The following SNCAIP variants were observed in gnomAD, a reference collection of about 807,000 sequenced individuals.
SNCAIP encodes synuclein alpha interacting protein.
SNCAIP carries 43 observed loss-of-function variants against 86.7 expected under a neutral mutation model. That is an observed-to-expected ratio of 0.50 (90% CI 0.39 to 0.64). The LOEUF is 0.64. SNCAIP is among the 30% of genes least tolerant of loss of function. SNCAIP has a pLI of 0.00. For missense variants in SNCAIP, 981 were observed against 1,103.1 expected, an observed-to-expected ratio of 0.89 and a Z score of 1.57; for synonymous variants, 417 against 427.2, an observed-to-expected ratio of 0.98 and a Z score of 0.29.
At chr5:122,407,050 G>C (rs73794602) in intron 3 of SNCAIP, among the ~76,000 whole-genome samples, 1,701 of 152,232 alleles carry the variant, frequency 0.011, 30 homozygotes, top group African/African-American at 0.037. Context: ...CTCTGGCCCA[G>C]GTACTGAGGA....
intron 1 of SNCAIP, among the ~76,000 whole-genome samples, chr5:122,382,538 C>T (rs1245532084): frequency 6.6e-6 from 1 of 152,264 alleles, no homozygotes; most frequent in Non-Finnish European, 1.5e-5. Flanking sequence ...CTTCTTCTCT[C>T]ACCTCGTCAA....
intron 1 of SNCAIP, among the ~76,000 whole-genome samples, chr5:122,325,163 T>C (rs1753761570): frequency 6.6e-6 from 1 of 152,156 alleles, no homozygotes; most frequent in South Asian, 2.1e-4. Context: ...ATAAGACTAG[T>C]GGATTATCAG....
intron 8 of SNCAIP, among the ~76,000 whole-genome samples, chr5:122,448,888 T>C (rs567526267): frequency 2.1e-5 from 3 of 146,306 alleles, no homozygotes; most frequent in Non-Finnish European, 3.0e-5. Flanking sequence ...GAGTGGCGGG[T>C]GCCTGTAGTC....
intron 1 of SNCAIP, among the ~76,000 whole-genome samples, chr5:122,325,045 G>T (rs114212936): frequency 6.6e-6 from 1 of 152,138 alleles, no homozygotes; most frequent in Non-Finnish European, 1.5e-5. Flanking sequence ...TTGGAACAGC[G>T]TATTGAACCC....
intron 1 of SNCAIP, among the ~76,000 whole-genome samples, chr5:122,383,732 T>C (rs1767491149): frequency 1.3e-5 from 2 of 152,156 alleles, no homozygotes; most frequent in African/African-American, 4.8e-5. Flanking sequence ...ATGTATAAAT[T>C]AAAGGGCAAA....
intron 1 of SNCAIP, among the ~76,000 whole-genome samples, chr5:122,358,159 T>TTA (rs1761420920): frequency 7.2e-6 from 1 of 138,024 alleles, no homozygotes; most frequent in African/African-American, 2.7e-5. Flanking sequence ...ATTTGTTTCT[T>TTA]TGTGTGTGTG....
intron 6 of SNCAIP, among the ~76,000 whole-genome samples, chr5:122,436,197 A>T (rs971154676): frequency 1.4e-5 from 2 of 147,592 alleles, no homozygotes; most frequent in East Asian, 2.0e-4. Flanking sequence ...AGATATTTTA[A>T]TTTTTTTTTT....
chr5:122,340,783 G>C (rs549290996), intron 1 of SNCAIP, among the ~76,000 whole-genome samples: 41 of 152,150 alleles, frequency 2.7e-4, no homozygotes, highest in Non-Finnish European at 5.4e-4. Context: ...ATAATCATAT[G>C]TCAATTCCTT....
At chr5:122,430,535 G>A (rs1288384661) in intron 5 of SNCAIP, among the ~76,000 whole-genome samples, 1 of 152,106 alleles carries the variant, frequency 6.6e-6, no homozygotes, top group Non-Finnish European at 1.5e-5. Flanking sequence ...CCATGGTCTT[G>A]CAACTAAGTG....
rs185028125 is a variant in SNCAIP, at chr5:122,448,682, T to G, written c.1593-1163T>G. On this transcript the variant is annotated intron_variant, in intron 8 of 10. Transcript: ENST00000261368. ...TATATTATATATATTATATATGTTA[T>G]ATATATATTATATATATTATATACA... Among the ~76,000 whole-genome samples, 100 of 136,252 alleles carry G rather than the reference T, an allele frequency of 7.3e-4. 1 individual carries two copies. The East Asian group carries it at 0.017, about 23-fold the overall frequency. 89.4% of individuals were successfully genotyped at this position (136,252 alleles called of 152,430 possible). A position where few individuals can be genotyped will look rare whatever the true frequency, so the allele number is the denominator to read the frequency against.
intron 3 of SNCAIP, among the ~76,000 whole-genome samples, chr5:122,416,800 G>T (rs185675677): frequency 2.0e-5 from 3 of 152,238 alleles, no homozygotes; most frequent in Admixed American, 2.0e-4. Flanking sequence ...CATTCATAAT[G>T]CCCCTCCTTT....
At chr5:122,360,475 A>G (rs937286249) in intron 1 of SNCAIP, among the ~76,000 whole-genome samples, 2 of 152,210 alleles carry the variant, frequency 1.3e-5, no homozygotes, top group Non-Finnish European at 2.9e-5. Flanking sequence ...CCAGCCCCAC[A>G]TAACCTCATC....
In SNCAIP at chr5:122,463,457, T is replaced by G. The variant is rs184049329; in HGVS notation, c.2755-34T>G. The G allele has an allele frequency of 5.6e-6, 7 of 1,243,910 alleles. No individual in the cohort carries two copies. In the African/African-American group the frequency reaches 5.9e-5, roughly 10 times the overall value. 77.1% of individuals were successfully genotyped at this position (1,243,910 alleles called of 1,614,324 possible). A position where few individuals can be genotyped will look rare whatever the true frequency, so the allele number is the denominator to read the frequency against. On this transcript the variant is annotated intron_variant, in intron 10 of 10. Transcript: ENST00000261368. ...GTCTTGTAACTTGACCATAGTTTTA[T>G]CTAATTTTGGCCTGTGGTTTCTCTT...
chr5:122,354,062 T>C (rs973712700), intron 1 of SNCAIP, among the ~76,000 whole-genome samples: 1 of 152,194 alleles, frequency 6.6e-6, no homozygotes, highest in Non-Finnish European at 1.5e-5. Context: ...ATGGAGCAGA[T>C]GCCAGAATAT....
intron 1 of SNCAIP, among the ~76,000 whole-genome samples, chr5:122,359,734 G>A (rs1324479731): frequency 1.3e-5 from 2 of 152,132 alleles, no homozygotes; most frequent in African/African-American, 4.8e-5. Flanking sequence ...GAAAGCGTAT[G>A]AATTAGTGAA....
At chr5:122,429,490 AAAATCAG>A (rs1777973369) in intron 5 of SNCAIP, among the ~76,000 whole-genome samples, 1 of 151,534 alleles carries the variant, frequency 6.6e-6, no homozygotes, top group East Asian at 1.9e-4. Flanking sequence ...CTACATTACT[AAAATCAG>A]AAATCAGAAA....
chr5:122,450,219 A>G (rs1783418516), intron 9 of SNCAIP, among the ~76,000 whole-genome samples: 1 of 152,138 alleles, frequency 6.6e-6, no homozygotes, highest in African/African-American at 2.4e-5. Context: ...GTGAAGTGGG[A>G]ATAGGAGATA....
At chr5:122,447,883 G>A (rs1166784877) in intron 8 of SNCAIP, among the ~76,000 whole-genome samples, 1 of 152,102 alleles carries the variant, frequency 6.6e-6, no homozygotes, top group Non-Finnish European at 1.5e-5. Context: ...TTACTATTTG[G>A]CCCTTTAAGA....
chr5:122,320,764 T>C (rs1752753310), intron 1 of SNCAIP, among the ~76,000 whole-genome samples: 1 of 152,088 alleles, frequency 6.6e-6, no homozygotes, highest in South Asian at 2.1e-4. Context: ...ACAGATGGAG[T>C]GAAGACAGGG....
Sources: gnomAD v4.1 joint callset for allele counts (sites outside exome capture counted in the v4.1 genomes callset) on GRCh38, gnomAD v4.1.1 for gene constraint, MANE v1.5 for transcripts, NCBI Gene and HGNC (gene_info 2026-07-23, HGNC 2026-07-21) for gene names.